Variants in PPM1H observed in about 807,000 individuals in gnomAD.
PPM1H encodes protein phosphatase 1H.
Under a neutral mutation model 54.9 loss-of-function variants are expected in PPM1H, and 27 were observed. The ratio of observed to expected loss-of-function variants is 0.49; its 90% CI spans 0.36 to 0.68. PPM1H has a LOEUF of 0.68. Among genes scored for constraint, PPM1H ranks in the 30% least tolerant of loss-of-function variants. The pLI is 0.00. For synonymous variants in PPM1H, 305 were observed against 270.8 expected (o/e 1.13, Z -1.24); for missense variants, 596 against 667.8 (o/e 0.89, Z 1.19).
At chr12:62,821,593 G>A (rs1418810676) in intron 2 of PPM1H, among the ~76,000 whole-genome samples, 1 of 152,234 alleles carries the variant, frequency 6.6e-6, no homozygotes, top group Non-Finnish European at 1.5e-5. Context: ...AACTCTACAA[G>A]CCAGAAGAGA....
chr12:62,717,945 CA>C (rs1330203991), intron 6 of PPM1H, among the ~76,000 whole-genome samples: 1 of 152,212 alleles, frequency 6.6e-6, no homozygotes, highest in Non-Finnish European at 1.5e-5. Flanking sequence ...AAATCCTAGG[CA>C]GATATTTATC....
At chr12:62,918,118 T>G (rs1871680925) in intron 1 of PPM1H, among the ~76,000 whole-genome samples, 1 of 152,214 alleles carries the variant, frequency 6.6e-6, no homozygotes, top group Non-Finnish European at 1.5e-5. Context: ...GTCGATGACC[T>G]AACTTTATGA....
At chr12:62,769,449 C>T (rs1007219106) in intron 4 of PPM1H, among the ~76,000 whole-genome samples, 1 of 152,248 alleles carries the variant, frequency 6.6e-6, no homozygotes, top group Admixed American at 6.5e-5. Context: ...ACTGACAAAA[C>T]CAGCCTCGTG....
intron 5 of PPM1H, 58 bp from the exon 6 acceptor site, chr12:62,720,347 T>C: frequency 7.4e-7 from 1 of 1,346,480 alleles, no homozygotes; most frequent in Non-Finnish European, 1.0e-6. Context: ...AGAAACAAAA[T>C]AAGAATCAAG....
chr12:62,804,377 TAA>T (rs2076791944), intron 2 of PPM1H, among the ~76,000 whole-genome samples: 1 of 136,470 alleles, frequency 7.3e-6, no homozygotes, highest in African/African-American at 3.1e-5. Context: ...TTTAAGAAAA[TAA>T]AGTTGCATTT....
chr12:62,874,810 C>A (rs766601655), intron 1 of PPM1H, among the ~76,000 whole-genome samples: 13 of 152,228 alleles, frequency 8.5e-5, no homozygotes, highest in Non-Finnish European at 1.9e-4. Flanking sequence ...TATATAGCTT[C>A]CGTGCTTTAT....
intron 8 of PPM1H, among the ~76,000 whole-genome samples, chr12:62,677,702 C>T (rs1053557589): frequency 6.6e-6 from 1 of 152,162 alleles, no homozygotes; most frequent in African/African-American, 2.4e-5. Flanking sequence ...CGCAGCCTGC[C>T]AGGCTGAGTG....
intron 1 of PPM1H, among the ~76,000 whole-genome samples, chr12:62,838,205 C>T (rs1053920192): frequency 2.6e-5 from 4 of 152,124 alleles, no homozygotes; most frequent in African/African-American, 9.7e-5. Flanking sequence ...AAAAAGTTTA[C>T]ACTAAGTGTT....
rs1380209727 is a variant in PPM1H, at chr12:62,918,712, A to AG, written c.245+15779dup. On this transcript the variant is annotated intron_variant, in intron 1 of 9. Coordinates refer to ENST00000228705, the MANE Select transcript of PPM1H (RefSeq NM_020700.2). ...AATAGTAAAAACTTGGCTAACATCA[A>AG]GGAAAAAAAATGTGTGTTACAACCA... Among the ~76,000 whole-genome samples the AG allele has an allele frequency of 2.6e-5, 4 of 152,242 alleles. 1 individual carries two copies. Among genetic ancestry groups the AG allele is most frequent in the African/African-American group, 9.6e-5 (4 of 41,470 alleles).
At chr12:62,817,801 C>A (rs1021110533) in intron 2 of PPM1H, among the ~76,000 whole-genome samples, 1 of 152,140 alleles carries the variant, frequency 6.6e-6, no homozygotes, top group Non-Finnish European at 1.5e-5. Context: ...TTGCCTTTCC[C>A]TGCCCCATTT....
At chr12:62,811,223 T>C (rs768307213) in intron 2 of PPM1H, among the ~76,000 whole-genome samples, 1 of 152,206 alleles carries the variant, frequency 6.6e-6, no homozygotes. Context: ...TATGCACGCA[T>C]TAAAATTCAT....
chr12:62,656,123 T>C (rs886214774), intron 9 of PPM1H, among the ~76,000 whole-genome samples: 21 of 152,236 alleles, frequency 1.4e-4, no homozygotes, highest in Non-Finnish European at 2.8e-4. Context: ...TCGATTGTCC[T>C]CTTGTCCTTG....
At chr12:62,670,254 G>C (rs1303251572) in intron 8 of PPM1H, among the ~76,000 whole-genome samples, 2 of 152,012 alleles carry the variant, frequency 1.3e-5, no homozygotes, top group African/African-American at 4.8e-5. Flanking sequence ...TGGGATTACA[G>C]GCATGAGCCA....
chr12:62,661,627 C>T (rs545678094), intron 9 of PPM1H, among the ~76,000 whole-genome samples: 1 of 152,166 alleles, frequency 6.6e-6, no homozygotes, highest in African/African-American at 2.4e-5. Flanking sequence ...GAACTCTTGG[C>T]CTCAAGGGAT....
At position 62,741,416 on chromosome 12, in the gene PPM1H, C is replaced by T. The variant is rs1183859406; in HGVS notation, c.870-3830G>A. Among the ~76,000 whole-genome samples, 3 of 152,342 alleles carry T rather than the reference C, an allele frequency of 2.0e-5. No individual in the cohort carries two copies. The East Asian group carries it at 5.8e-4, about 29-fold the overall frequency. On this transcript the variant is annotated intron_variant, in intron 4 of 9. Coordinates refer to ENST00000228705, the MANE Select transcript of PPM1H (RefSeq NM_020700.2). ...TCACAAAGGTGATGTTAAAGCACCG[C>T]TCTCATCATGCCACATGTCTTACCG...
intron 6 of PPM1H, among the ~76,000 whole-genome samples, chr12:62,715,695 G>A (rs945869683): frequency 6.6e-6 from 1 of 152,184 alleles, no homozygotes; most frequent in African/African-American, 2.4e-5. Flanking sequence ...ACCACTGAGT[G>A]CCGGCGTGGT....
At chr12:62,785,492 T>A (rs1214775141) in intron 4 of PPM1H, among the ~76,000 whole-genome samples, 2 of 152,266 alleles carry the variant, frequency 1.3e-5, no homozygotes, top group Non-Finnish European at 2.9e-5. Context: ...ATCATACTTT[T>A]ATGAACACTT....
intron 1 of PPM1H, among the ~76,000 whole-genome samples, chr12:62,882,595 G>A (rs1439036747): frequency 6.6e-6 from 1 of 152,230 alleles, no homozygotes; most frequent in Non-Finnish European, 1.5e-5. Flanking sequence ...TCGTTGCAAG[G>A]ACAAAGCACC....
intron 5 of PPM1H, 71 bp downstream of exon 5, chr12:62,737,431 G>T: frequency 9.5e-7 from 1 of 1,047,564 alleles, no homozygotes; most frequent in South Asian, 1.6e-5. Context: ...CAGTAGCAAC[G>T]TGTTCCTCCA....
Sources: gnomAD v4.1 joint callset for allele counts (sites outside exome capture counted in the v4.1 genomes callset) on GRCh38, gnomAD v4.1.1 for gene constraint, MANE v1.5 for transcripts, NCBI Gene and HGNC (gene_info 2026-07-23, HGNC 2026-07-21) for gene names.